P3H2: variants seen among roughly 807,000 people sequenced by gnomAD.
The protein encoded by P3H2 is prolyl 3-hydroxylase 2, also known as leprecan-like 1.
Under a neutral mutation model 87.0 loss-of-function variants are expected in P3H2, and 80 were observed. The observed-to-expected ratio is 0.92, with a 90% CI of 0.77 to 1.11. P3H2 has a LOEUF of 1.11. Ranked by LOEUF, P3H2 falls within the 50% of genes least tolerant of loss-of-function variation. The pLI is 0.00. For synonymous variants in P3H2, 367 were observed against 359.3 expected, an observed-to-expected ratio of 1.02 and a Z score of -0.24; for missense variants, 1,001 against 923.9, an observed-to-expected ratio of 1.08 and a Z score of -1.08.
chr3:189,991,690 G>A (rs1203237994), intron 3 of P3H2, among the ~76,000 whole-genome samples: 2 of 152,182 alleles, frequency 1.3e-5, no homozygotes, highest in East Asian at 1.9e-4. Flanking sequence ...TCAAAAAGCA[G>A]GAGAGAGAGT....
At chr3:189,984,622 G>A in intron 6 of P3H2, 32 bp from the exon 7 acceptor site, 1 of 1,503,572 alleles carries the variant, frequency 6.7e-7, no homozygotes, top group Non-Finnish European at 9.2e-7. Flanking sequence ...AAAAAATGCA[G>A]TAATTTTGTC....
At chr3:190,063,781 T>A (rs1726408905) in intron 1 of P3H2, among the ~76,000 whole-genome samples, 1 of 152,118 alleles carries the variant, frequency 6.6e-6, no homozygotes, top group South Asian at 2.1e-4. Context: ...CATAAGCTGT[T>A]ACCCCAGGAT....
At chr3:190,108,817 G>C (rs1711954874) in intron 1 of P3H2, among the ~76,000 whole-genome samples, 1 of 152,100 alleles carries the variant, frequency 6.6e-6, no homozygotes, top group African/African-American at 2.4e-5. Context: ...CTATTAGCTA[G>C]CATTTTTTGT....
At chr3:190,052,620 C>T (rs183648796) in intron 1 of P3H2, among the ~76,000 whole-genome samples, 1 of 151,314 alleles carries the variant, frequency 6.6e-6, no homozygotes, top group Non-Finnish European at 1.5e-5. Context: ...AGGTTATTAC[C>T]GTGTCTAAGA....
intron 1 of P3H2, among the ~76,000 whole-genome samples, chr3:190,089,872 T>A (rs577599587): frequency 6.6e-6 from 1 of 152,142 alleles, no homozygotes; most frequent in South Asian, 2.1e-4. Flanking sequence ...TGATCCCATA[T>A]TTAGCTAGTA....
intron 1 of P3H2, among the ~76,000 whole-genome samples, chr3:190,011,370 T>C (rs1188558494): frequency 6.6e-6 from 1 of 152,168 alleles, no homozygotes; most frequent in Non-Finnish European, 1.5e-5. Context: ...AGAAAAATGA[T>C]TTTTGTAAGC....
intron 1 of P3H2, among the ~76,000 whole-genome samples, chr3:190,089,507 T>C (rs540659687): frequency 9.9e-5 from 15 of 152,170 alleles, no homozygotes; most frequent in Non-Finnish European, 2.1e-4. Context: ...CACCTTAATG[T>C]CTCCTTCCTT....
chr3:190,082,971 C>G (rs139199585), intron 1 of P3H2, among the ~76,000 whole-genome samples: 8,941 of 152,224 alleles, frequency 0.059, 434 homozygotes, highest in Admixed American at 0.13. Context: ...GAACATAATA[C>G]TCCAAGATTA....
chr3:189,994,664 GT>G (rs11320488), intron 2 of P3H2, among the ~76,000 whole-genome samples: 65,202 of 143,252 alleles, frequency 0.46, 14,533 homozygotes, highest in Admixed American at 0.48. Flanking sequence ...TGTGTTTTTT[GT>G]TTTTTTTTTT....
intron 1 of P3H2, among the ~76,000 whole-genome samples, chr3:190,106,318 G>A (rs1711835029): frequency 6.6e-6 from 1 of 152,150 alleles, no homozygotes; most frequent in African/African-American, 2.4e-5. Flanking sequence ...CTTGATGGTG[G>A]AGAGGCAGGT....
Position 190,120,234 on chromosome 3 carries a change from G to C in P3H2, c.480+18C>G, listed in dbSNP as rs1037779435. ...AGAGCCGCAGGGGCTTTGCAGTGGA[G>C]GAGCGCTCTGTGGGTACCTTGATGT... On this transcript the variant is annotated intron_variant, in intron 1 of 14. Transcript: ENST00000319332. 5.0e-6 allele frequency: 8 copies of C among 1,606,786 alleles called. No individual in the cohort carries two copies. In the African/African-American group the frequency reaches 1.1e-4, roughly 21 times the overall value.
intron 1 of P3H2, among the ~76,000 whole-genome samples, chr3:190,063,533 T>A (rs1167562876): frequency 6.6e-6 from 1 of 152,184 alleles, no homozygotes; most frequent in East Asian, 1.9e-4. Flanking sequence ...TTCCATTTTT[T>A]AAGTTTAAAA....
intron 1 of P3H2, among the ~76,000 whole-genome samples, chr3:190,029,702 AAC>A (rs1560369526): frequency 3.9e-5 from 6 of 152,294 alleles, no homozygotes; most frequent in Admixed American, 2.0e-4. Context: ...TATTTGAGGA[AAC>A]AAAGATAATT....
intron 1 of P3H2, among the ~76,000 whole-genome samples, chr3:190,104,797 G>A (rs1317910108): frequency 6.6e-6 from 1 of 152,210 alleles, no homozygotes; most frequent in Non-Finnish European, 1.5e-5. Flanking sequence ...GGAGACAAGA[G>A]TCGGAAATCA....
At position 190,000,603 on chromosome 3, in the gene P3H2, T is replaced by C. The variant is rs187593506; in HGVS notation, c.481-5161A>G. Among the ~76,000 whole-genome samples the C allele has an allele frequency of 1.4e-3, 219 of 152,348 alleles. 1 individual carries two copies. Among genetic ancestry groups the C allele is most frequent in the Non-Finnish European group, 2.5e-3 (171 of 68,030 alleles). ...TCATTCATCAAAGATTTCTCTTCAA[T>C]GTAATTTTTGAGCTGAGACCTAAAA... is the stretch of plus-strand genomic sequence containing the variant. On this transcript the variant is annotated intron_variant, in intron 1 of 14. Coordinates refer to ENST00000319332, the MANE Select transcript of P3H2 (RefSeq NM_018192.4).
chr3:190,020,878 C>T (rs1241621707), intron 1 of P3H2, among the ~76,000 whole-genome samples: 2 of 134,140 alleles, frequency 1.5e-5, no homozygotes, highest in Non-Finnish European at 3.3e-5. Flanking sequence ...CTACAAAATC[C>T]CTATTAAAAT....
At chr3:189,968,261 G>A (rs934258398) in intron 13 of P3H2, among the ~76,000 whole-genome samples, 22 of 149,270 alleles carry the variant, frequency 1.5e-4, no homozygotes, top group Non-Finnish European at 2.4e-4. Flanking sequence ...TTATCCCCCT[G>A]ACAGGCCCTG....
chr3:190,116,455 G>A (rs1410669752), intron 1 of P3H2: 1 of 152,146 alleles, frequency 6.6e-6, no homozygotes, highest in Non-Finnish European at 1.5e-5. Flanking sequence ...CACAGATAGA[G>A]ACTGGGAAAA....
At chr3:190,060,520 AATT>A (rs1726297923) in intron 1 of P3H2, among the ~76,000 whole-genome samples, 2 of 152,228 alleles carry the variant, frequency 1.3e-5, no homozygotes, top group Non-Finnish European at 2.9e-5. Context: ...GTTTCCTCTC[AATT>A]CTTCTAATTC....
Sources: gnomAD v4.1 joint callset for allele counts (sites outside exome capture counted in the v4.1 genomes callset) on GRCh38, gnomAD v4.1.1 for gene constraint, MANE v1.5 for transcripts, NCBI Gene and HGNC (gene_info 2026-07-23, HGNC 2026-07-21) for gene names.